The following ASB18 variants were observed in gnomAD, a reference collection of about 807,000 sequenced individuals.
The protein encoded by ASB18 is ankyrin repeat and SOCS box protein 18.
ASB18 carries 33 observed loss-of-function variants against 33.4 expected under a neutral mutation model. The observed-to-expected ratio is 0.99, with a 90% CI of 0.75 to 1.32. The LOEUF is 1.32. Ranked by LOEUF, ASB18 falls within the 40% of genes most tolerant of loss-of-function variation. The probability of loss-of-function intolerance (pLI) is 0.00; values close to 1 mark genes in which losing one functional copy is unlikely to be tolerated. For missense variants in ASB18, 694 were observed against 655.5 expected (o/e 1.06, Z -0.64); for synonymous variants, 295 against 307.6 (o/e 0.96, Z 0.43).
Position 236,196,762 on chromosome 2 carries a change from C to G in ASB18, c.1102-377G>C, listed in dbSNP as rs965532409. ...GAAGTTCTGCTAGGAGGAAGTTTGG[C>G]CCGAGGATGGTGTTCCCAATTTCTT... On this transcript the variant is annotated intron_variant, in intron 4 of 5. Coordinates refer to ENST00000409749, the MANE Select transcript of ASB18 (RefSeq NM_212556.4). This position sits in a 1 kb window ranked among gnomAD's most constrained non-coding sequence, Gnocchi z 5.6. Among the ~76,000 whole-genome samples, 2 of 152,146 alleles carry G rather than the reference C, an allele frequency of 1.3e-5. No individual in the cohort carries two copies. The highest frequency in any genetic ancestry group is 4.8e-5 in the African/African-American group (2 of 41,430).
At position 236,223,452 on chromosome 2, in the gene ASB18, C is replaced by T. The variant is rs186877122; in HGVS notation, c.597-8586G>A. On this transcript the variant is annotated intron_variant, in intron 3 of 5. Coordinates refer to ENST00000409749, the MANE Select transcript of ASB18 (RefSeq NM_212556.4). The surrounding 1 kb of genome is among the most constrained non-coding windows in gnomAD (Gnocchi z 4.6). ...GGAAAAGAAAAGACTCTATTAGCTT[C>T]TTAGACAGGGATAGGGGTGAGGTGG... Among the ~76,000 whole-genome samples the T allele has an allele frequency of 2.0e-5, 3 of 152,282 alleles. No homozygotes were observed. Among genetic ancestry groups the T allele is most frequent in the African/African-American group, 7.2e-5 (3 of 41,562 alleles).
In ASB18 at chr2:236,204,970, C is replaced by G. The variant is rs186728776; in HGVS notation, c.1102-8585G>C. 5.9e-5 allele frequency among the ~76,000 whole-genome samples: 9 copies of G among 152,310 alleles called. No homozygotes were observed. Among genetic ancestry groups the G allele is most frequent in the Admixed American group, 2.0e-4 (3 of 15,298 alleles). ...CATCTGTTAAAAAATCCTGTTGGCT[C>G]TACCTCCAAAATATATCCAGGGTCA... On this transcript the variant is annotated intron_variant, in intron 4 of 5. Coordinates refer to ENST00000409749, the MANE Select transcript of ASB18 (RefSeq NM_212556.4). This position sits in a 1 kb window ranked among gnomAD's most constrained non-coding sequence, Gnocchi z 5.1.
chr2:236,207,345 A>G (rs2060439337), intron 4 of ASB18, among the ~76,000 whole-genome samples: 1 of 152,048 alleles, frequency 6.6e-6, no homozygotes, highest in Admixed American at 6.6e-5. Context: ...TTTTCATGTC[A>G]TTCTATTGAG....
Position 236,205,035 on chromosome 2 carries a change from G to T in ASB18, c.1102-8650C>A, listed in dbSNP as rs1326153611. The stretch of plus-strand genomic sequence containing the variant: ...TCCACACCACCATCACCCCTCCTGT[G>T]AATCACAGCAACACCCTCCTAACTC... On this transcript the variant is annotated intron_variant, in intron 4 of 5. Transcript: ENST00000409749. This position sits in a 1 kb window ranked among gnomAD's most constrained non-coding sequence, Gnocchi z 5.4. 6.6e-6 allele frequency among the ~76,000 whole-genome samples: 1 copy of T among 152,146 alleles called. No homozygotes were observed. The highest frequency in any genetic ancestry group is 1.5e-5 in the Non-Finnish European group (1 of 68,030).
chr2:236,248,344 G>A lies in ASB18; in HGVS notation c.206-6942C>T, dbSNP rs2060653486. On this transcript the variant is annotated intron_variant, in intron 1 of 5. Transcript: ENST00000409749. This position sits in a 1 kb window ranked among gnomAD's most constrained non-coding sequence, Gnocchi z 4.9. The stretch of plus-strand genomic sequence containing the variant: ...GTGGTGGCTCATGCCTGTAATCCCA[G>A]CACTTTAGGAGGCTGAGGCAGGTGG... 6.6e-6 allele frequency: 1 copy of A among 152,180 alleles called. No homozygotes were observed. The highest frequency in any genetic ancestry group is 2.4e-5 in the African/African-American group (1 of 41,418). The allele number at this position is 152,180 out of a possible 1,614,324, so 9.4% of individuals were successfully genotyped here.
rs751662212 is a variant in ASB18 at position 236,214,795 on chromosome 2, A to C, written c.668T>G (p.Leu223Arg). The C allele has an allele frequency of 1.1e-5, 13 of 1,206,382 alleles. No homozygotes were observed. The highest frequency in any genetic ancestry group is 9.3e-6 in the Non-Finnish European group (9 of 971,218). 74.7% of individuals were successfully genotyped at this position (1,206,382 alleles called of 1,614,324 possible). The change falls in exon 4 of 6, where the codon CTG (leucine) becomes CGG (arginine). Residue 223 changes from leucine (L) to arginine (R), a missense_variant. Leu to Arg is a moderately radical substitution (Grantham distance 102). Coordinates refer to ENST00000409749, the MANE Select transcript of ASB18 (RefSeq NM_212556.4). This position sits in a 1 kb window ranked among gnomAD's most constrained non-coding sequence, Gnocchi z 6.5. ...RVGGTGRDTP[L>R]HVAAQRGLDE... is the part of the protein sequence containing the mutation. Reference sequence around the variant, plus strand: ...CAGGCCGCGCTGCGCCGCCACGTGCAGCGGCGTGTCCCGGCCCGTGCCGCC... The same window carrying C: ...CAGGCCGCGCTGCGCCGCCACGTGCCGCGGCGTGTCCCGGCCCGTGCCGCC...
In ASB18 at chr2:236,244,110, G is replaced by A. The variant is rs376965283; in HGVS notation, c.206-2708C>T. Among the ~76,000 whole-genome samples the A allele has an allele frequency of 8.5e-5, 13 of 152,222 alleles. No individual in the cohort carries two copies. Among genetic ancestry groups the A allele is most frequent in the East Asian group, 7.7e-4 (4 of 5,192 alleles). ...CCAAGTGCTGGGATTACAGGTGTGA[G>A]CCACCGTGCCCGGCCTGTTTTTCTT... On this transcript the variant is annotated intron_variant, in intron 1 of 5. Coordinates refer to ENST00000409749, the MANE Select transcript of ASB18 (RefSeq NM_212556.4). The surrounding 1 kb of genome is among the most constrained non-coding windows in gnomAD (Gnocchi z 6.1).
chr2:236,214,122 T>C lies in ASB18; in HGVS notation c.1101+240A>G. 1.9e-6 allele frequency: 1 copy of C among 537,256 alleles called. No homozygotes were observed. The highest frequency in any genetic ancestry group is 3.3e-6 in the Non-Finnish European group (1 of 306,478). The allele number at this position is 537,256 out of a possible 1,614,324, so 33.3% of individuals were successfully genotyped here. A position where few individuals can be genotyped will look rare whatever the true frequency, so the allele number is the denominator to read the frequency against. On this transcript the variant is annotated intron_variant, in intron 4 of 5. Coordinates refer to ENST00000409749, the MANE Select transcript of ASB18 (RefSeq NM_212556.4). This position sits in a 1 kb window ranked among gnomAD's most constrained non-coding sequence, Gnocchi z 6.5. ...CTCGTGGCTCTAACCAGAAGGCTTCTAGGCCCCTGTTCCTCAAAATGGGGT... is the reference window on the plus strand; with the variant it reads ...CTCGTGGCTCTAACCAGAAGGCTTCCAGGCCCCTGTTCCTCAAAATGGGGT...
rs554714605 is a variant in ASB18 at position 236,262,315 on chromosome 2, G to A, written c.205+1826C>T. On this transcript the variant is annotated intron_variant, in intron 1 of 5. Transcript: ENST00000409749. The surrounding 1 kb of genome is among the most constrained non-coding windows in gnomAD (Gnocchi z 5.2). ...ATGAGCTCAGGGCATGCTGAAGGCA[G>A]GCCGGGTTACAGGGGCTACAGGAGA... Among the ~76,000 whole-genome samples the A allele has an allele frequency of 6.6e-6, 1 of 152,336 alleles. No individual in the cohort carries two copies. The highest frequency in any genetic ancestry group is 2.1e-4 in the South Asian group (1 of 4,832).
chr2:236,246,597 T>C (rs761590349), intron 1 of ASB18, among the ~76,000 whole-genome samples: 11 of 152,104 alleles, frequency 7.2e-5, no homozygotes, highest in Non-Finnish European at 1.3e-4. Context: ...ACCATGTTTG[T>C]AAGGAACTTA....
chr2:236,201,436 G>A (rs1482506162), intron 4 of ASB18, among the ~76,000 whole-genome samples: 1 of 152,132 alleles, frequency 6.6e-6, no homozygotes, highest in Admixed American at 6.5e-5. Flanking sequence ...TTATAGATGT[G>A]AGCCACTACA....
chr2:236,217,348 A>C lies in ASB18; in HGVS notation c.597-2482T>G, dbSNP rs1320372882. ...CTTAAACCCGGGAGGTGGAGGTTGC[A>C]GTGAGCCAAGATCGTGCCCCTGAAC... On this transcript the variant is annotated intron_variant, in intron 3 of 5. Transcript: ENST00000409749. This position sits in a 1 kb window ranked among gnomAD's most constrained non-coding sequence, Gnocchi z 5.2. Among the ~76,000 whole-genome samples, 3 of 151,806 alleles carry C rather than the reference A, an allele frequency of 2.0e-5. No individual in the cohort carries two copies. Among genetic ancestry groups the C allele is most frequent in the Non-Finnish European group, 4.4e-5 (3 of 67,970 alleles).
intron 4 of ASB18, among the ~76,000 whole-genome samples, chr2:236,198,407 C>T (rs551439661): frequency 1.6e-4 from 24 of 151,796 alleles, no homozygotes; most frequent in African/African-American, 5.8e-4. Context: ...CTTGCTCTAT[C>T]ACCCAGGCTG....
At position 236,226,965 on chromosome 2, in the gene ASB18, G is replaced by C. The variant is rs1213858723; in HGVS notation, c.596+10724C>G. ...ATTATGGTATATTTGTCAAAACTAA[G>C]AAATTAACAATGGTACAAGACTATT... On this transcript the variant is annotated intron_variant, in intron 3 of 5. Transcript: ENST00000409749. The surrounding 1 kb of genome is among the most constrained non-coding windows in gnomAD (Gnocchi z 4.8). Among the ~76,000 whole-genome samples, 1 of 152,106 alleles carries C rather than the reference G, an allele frequency of 6.6e-6. No homozygotes were observed. Among genetic ancestry groups the C allele is most frequent in the Non-Finnish European group, 1.5e-5 (1 of 68,024 alleles).
chr2:236,201,155 T>C (rs1330778250), intron 4 of ASB18, among the ~76,000 whole-genome samples: 1 of 151,664 alleles, frequency 6.6e-6, no homozygotes, highest in Admixed American at 6.6e-5. Context: ...TCCTTCCTTC[T>C]TTCCTTCCTT....
intron 2 of ASB18, among the ~76,000 whole-genome samples, chr2:236,240,141 A>G (rs1410412136): frequency 6.6e-6 from 1 of 152,120 alleles, no homozygotes; most frequent in Non-Finnish European, 1.5e-5. Flanking sequence ...TGAAATTGTG[A>G]CATTTGTGTG....
chr2:236,243,272 G>C (rs2060630339), intron 1 of ASB18, among the ~76,000 whole-genome samples: 1 of 147,894 alleles, frequency 6.8e-6, no homozygotes, highest in Admixed American at 6.8e-5. Flanking sequence ...GGAGCTTGCA[G>C]TGAGCCGAGA....
In ASB18 at chr2:236,214,282, G is replaced by A. The variant is rs2060473381; in HGVS notation, c.1101+80C>T. 1 of 1,423,178 alleles carries A rather than the reference G, an allele frequency of 7.0e-7. No homozygotes were observed. Among genetic ancestry groups the A allele is most frequent in the East Asian group, 2.6e-5 (1 of 37,832 alleles). The allele number at this position is 1,423,178 out of a possible 1,614,324, so 88.2% of individuals were successfully genotyped here. A position where few individuals can be genotyped will look rare whatever the true frequency, so the allele number is the denominator to read the frequency against. On this transcript the variant is annotated intron_variant, in intron 4 of 5. Transcript: ENST00000409749. The surrounding 1 kb of genome is among the most constrained non-coding windows in gnomAD (Gnocchi z 6.5). ...TGGGCCATTACACTTTGAGAGCGCCGCATGCAACCCAGCTCCCAGGCCGGT... is the reference window on the plus strand; with the variant it reads ...TGGGCCATTACACTTTGAGAGCGCCACATGCAACCCAGCTCCCAGGCCGGT...
At chr2:236,227,350 A>G (rs6757571) in intron 3 of ASB18, among the ~76,000 whole-genome samples, 31,975 of 152,156 alleles carry the variant, frequency 0.21, 4,192 homozygotes, top group African/African-American at 0.37. Context: ...TTCAATTCCT[A>G]TAAAAGAAAT....
Sources: allele counts gnomAD v4.1 joint callset (sites outside exome capture counted in the v4.1 genomes callset), GRCh38; gene constraint gnomAD v4.1.1; non-coding constraint Gnocchi (gnomAD v3.1); transcripts MANE v1.5; gene names NCBI Gene and HGNC (gene_info 2026-07-23, HGNC 2026-07-21).